GART: variants seen among roughly 807,000 people sequenced by gnomAD.
The protein encoded by GART is trifunctional purine biosynthetic protein adenosine-3.
A neutral mutation model predicts 107.2 loss-of-function variants in GART; 43 were observed. The observed-to-expected ratio is 0.40, with a 90% CI of 0.31 to 0.52. The LOEUF (loss-of-function observed/expected upper bound fraction) is 0.52. Among genes scored for constraint, GART ranks in the 20% least tolerant of loss-of-function variants. GART has a pLI of 0.52. For missense variants in GART, 1,107 were observed against 1,206.5 expected (o/e 0.92, Z 1.22); for synonymous variants, 434 against 427.0 (o/e 1.02, Z -0.20).
chr21:33,528,972 G>T, intron 7 of GART, 35 bp from the exon 8 acceptor site: 1 of 1,437,742 alleles, frequency 7.0e-7, no homozygotes, highest in Non-Finnish European at 9.8e-7. Context: ...AATGTAACAG[G>T]TAACTTAAAA....
chr21:33,511,485 G>A (rs2084784934), intron 16 of GART, 27 bp from the exon 17 acceptor site: 5 of 1,604,246 alleles, frequency 3.1e-6, no homozygotes, highest in Non-Finnish European at 4.3e-6. Flanking sequence ...CGAATTGTTT[G>A]ATTTTCCTAC....
chr21:33,534,921 T>C (rs1011770446), intron 3 of GART, among the ~76,000 whole-genome samples, 168 bp from the exon 4 acceptor site: 1 of 152,242 alleles, frequency 6.6e-6, no homozygotes, highest in African/African-American at 2.4e-5. Context: ...TAAAATGCTA[T>C]TAACATGTTA....
At chr21:33,530,709 C>A in intron 7 of GART, 50 bp downstream of exon 7, 2 of 1,351,518 alleles carry the variant, frequency 1.5e-6, no homozygotes, top group Admixed American at 3.0e-5. Context: ...TAAGAGTTCT[C>A]TGAGAAAACC....
rs867518219 is a variant in GART, at chr21:33,511,394, C to T, written c.2172G>A (p.Glu724=). 1.2e-6 allele frequency: 2 copies of T among 1,614,146 alleles called. No individual in the cohort carries two copies. The highest frequency in any genetic ancestry group is 3.3e-4 in the Middle Eastern group (2 of 6,062). Residue 724 remains glutamate, a synonymous_variant, in exon 17 of 22, where the codon GAG becomes GAA. Transcript: ENST00000381815. ...AGTTAAATGTTCTGGCCATCTCTTCCTCAGAGAGGTGTCCTTCCTGCTGCA... is the reference window on the plus strand; with the variant it reads ...AGTTAAATGTTCTGGCCATCTCTTCTTCAGAGAGGTGTCCTTCCTGCTGCA... ...SWLQQEGHLS[E]EEMARTFNCG...
In GART at chr21:33,535,300, T is replaced by C; in HGVS notation, c.166A>G (p.Thr56Ala). 2.6e-6 allele frequency: 4 copies of C among 1,522,096 alleles called. No individual in the cohort carries two copies. Among genetic ancestry groups the C allele is most frequent in the South Asian group, 2.4e-5 (2 of 82,422 alleles). 94.3% of individuals were successfully genotyped at this position (1,522,096 alleles called of 1,614,324 possible). A position where few individuals can be genotyped will look rare whatever the true frequency, so the allele number is the denominator to read the frequency against. ...SNTAISISDH[T>A]ALAQFCKEKK... ...TCTTTGCAGAATTGAGCAAGGGCAG[T>C]GTGGTCACTGATTGAGATGGCTGTA... is the stretch of plus-strand genomic sequence containing the variant. The change falls in exon 3 of 22, where the codon ACT (threonine) becomes GCT (alanine). Residue 56 changes from threonine (T) to alanine (A), a missense_variant. By Grantham distance (58) the Thr-to-Ala change is moderately conservative (BLOSUM62 0). Coordinates refer to ENST00000381815, the MANE Select transcript of GART (RefSeq NM_000819.5).
At chr21:33,525,287 G>A (rs2085052014) in intron 10 of GART, among the ~76,000 whole-genome samples, 1 of 151,920 alleles carries the variant, frequency 6.6e-6, no homozygotes, top group Non-Finnish European at 1.5e-5. Flanking sequence ...GAGGTGGGAG[G>A]ATCACTTGAA....
chr21:33,507,047 C>T (rs1261240808), intron 18 of GART, among the ~76,000 whole-genome samples: 1 of 152,120 alleles, frequency 6.6e-6, no homozygotes, highest in African/African-American at 2.4e-5. Flanking sequence ...ATCCAGCAAT[C>T]CCATTGCTAG....
intron 7 of GART, among the ~76,000 whole-genome samples, chr21:33,530,428 A>G (rs745970672): frequency 5.3e-5 from 8 of 152,160 alleles, no homozygotes; most frequent in Non-Finnish European, 1.0e-4. Flanking sequence ...CACAGACAAC[A>G]CTTTTGTGCT....
chr21:33,529,176 A>T (rs895729196), intron 7 of GART, among the ~76,000 whole-genome samples: 2 of 152,212 alleles, frequency 1.3e-5, no homozygotes, highest in Non-Finnish European at 2.9e-5. Context: ...AGCCAAAAAT[A>T]ACTTCCCGAA....
At chr21:33,528,964 T>C (rs2085129795) in intron 7 of GART, 27 bp from the exon 8 acceptor site, 3 of 1,477,778 alleles carry the variant, frequency 2.0e-6, no homozygotes, top group Non-Finnish European at 2.8e-6. Flanking sequence ...AACAGTTAAA[T>C]GTAACAGGTA....
chr21:33,530,532 C>A (rs952145373), intron 7 of GART, among the ~76,000 whole-genome samples: 1 of 152,216 alleles, frequency 6.6e-6, no homozygotes. Context: ...AGGATCTATT[C>A]AACCCATACT....
intron 18 of GART, among the ~76,000 whole-genome samples, 160 bp from the exon 19 acceptor site, chr21:33,506,264 C>T (rs779986016): frequency 1.3e-5 from 2 of 152,026 alleles, no homozygotes; most frequent in African/African-American, 2.4e-5. Flanking sequence ...CTGCCTCAGC[C>T]TCCTGAGTAG....
Position 33,520,524 on chromosome 21 carries a change from T to G in GART, c.1542A>C (p.Gln514His). Residue 514 changes from glutamine (Q) to histidine (H), a missense_variant, in exon 14 of 22, where the codon CAA becomes CAC. Transcript: ENST00000381815. ...CATTAACACACATTGCTACCAAATC[T>G]TGACCAATGGTATCATGTTTATTGC... ...QLCNKHDTIG[Q>H]DLVAMCVNDI... 1 of 1,614,190 alleles carries G rather than the reference T, an allele frequency of 6.2e-7. No individual in the cohort carries two copies. Among genetic ancestry groups the G allele is most frequent in the Non-Finnish European group, 8.5e-7 (1 of 1,180,034 alleles).
Position 33,524,983 on chromosome 21 carries a change from C to G in GART, c.1084G>C (p.Ala362Pro). 2 of 1,614,098 alleles carry G rather than the reference C, an allele frequency of 1.2e-6. No homozygotes were observed. Among genetic ancestry groups the G allele is most frequent in the Non-Finnish European group, 1.7e-6 (2 of 1,180,008 alleles). Reference sequence around the variant, plus strand: ...GCATGGAACACCTCCAGTCCTAGAGCTTGAGCCTCAGGAAACCCTAGAAGA... The same window carrying G: ...GCATGGAACACCTCCAGTCCTAGAGGTTGAGCCTCAGGAAACCCTAGAAGA... ...VEITGFPEAQ[A>P]LGLEVFHAGT... Residue 362 changes from alanine (A) to proline (P), a missense_variant, in exon 11 of 22, where the codon GCT (alanine) becomes CCT (proline). Coordinates refer to ENST00000381815, the MANE Select transcript of GART (RefSeq NM_000819.5).
chr21:33,532,206 T>C (rs2085205161), intron 5 of GART, 139 bp downstream of exon 5: 1 of 669,692 alleles, frequency 1.5e-6, no homozygotes, highest in Admixed American at 2.4e-5. Context: ...TGGATTATAA[T>C]ACATGGGATT....
At chr21:33,526,746 C>T (rs1258196213) in intron 10 of GART, among the ~76,000 whole-genome samples, 1 of 152,206 alleles carries the variant, frequency 6.6e-6, no homozygotes, top group Non-Finnish European at 1.5e-5. Context: ...CTCTCAGATA[C>T]AGCTTTATAG....
chr21:33,522,436 G>T (rs1397085058), intron 11 of GART, among the ~76,000 whole-genome samples, 154 bp from the exon 12 acceptor site: 2 of 152,160 alleles, frequency 1.3e-5, no homozygotes, highest in Non-Finnish European at 2.9e-5. Flanking sequence ...CATCTATACA[G>T]ATTCTGATTT....
chr21:33,537,145 T>TACAAGACTACTTGTAGTAGTCTC (rs2085321800), intron 2 of GART, among the ~76,000 whole-genome samples: 3 of 152,178 alleles, frequency 2.0e-5, no homozygotes, highest in Non-Finnish European at 2.9e-5. Context: ...TTAGTAGTCT[T>TACAAGACTACTTGTAGTAGTCTC]ACAAGACTAC....
At chr21:33,505,926 C>A in intron 19 of GART, 48 bp downstream of exon 19, 1 of 1,606,284 alleles carries the variant, frequency 6.2e-7, no homozygotes, top group Non-Finnish European at 8.5e-7. Context: ...GGGCAGATTA[C>A]GAGCTTAAAT....
Sources: allele counts gnomAD v4.1 joint callset (sites outside exome capture counted in the v4.1 genomes callset), GRCh38; gene constraint gnomAD v4.1.1; transcripts MANE v1.5; gene names NCBI Gene and HGNC (gene_info 2026-07-23, HGNC 2026-07-21).